The following ZNF804A variants were observed in gnomAD, a reference collection of about 807,000 sequenced individuals.
ZNF804A encodes zinc finger protein 804A.
In ZNF804A, 2 loss-of-function variants were observed where a neutral mutation model predicts 16.5. That is an observed-to-expected ratio of 0.12 (90% CI 0.05 to 0.38). The LOEUF (loss-of-function observed/expected upper bound fraction) is 0.38. ZNF804A is among the 10% of genes least tolerant of loss of function. ZNF804A has a pLI of 0.99. For synonymous variants in ZNF804A, 534 were observed against 489.6 expected, an observed-to-expected ratio of 1.09 and a Z score of -1.20; for missense variants, 1,473 against 1,390.7, an observed-to-expected ratio of 1.06 and a Z score of -0.94.
At chr2:184,619,843 G>T (rs1049174527) in intron 1 of ZNF804A, among the ~76,000 whole-genome samples, 1 of 151,784 alleles carries the variant, frequency 6.6e-6, no homozygotes, top group Non-Finnish European at 1.5e-5. Flanking sequence ...CAGCAGAGAA[G>T]TCAGTTAATT....
chr2:184,752,211 G>A (rs1026493802), intron 1 of ZNF804A, among the ~76,000 whole-genome samples: 24 of 151,534 alleles, frequency 1.6e-4, no homozygotes, highest in African/African-American at 4.3e-4. Context: ...TCACAATAGC[G>A]AAGTCATGGA....
chr2:184,709,136 T>A (rs969944491), intron 1 of ZNF804A, among the ~76,000 whole-genome samples: 1 of 152,120 alleles, frequency 6.6e-6, no homozygotes, highest in East Asian at 1.9e-4. Context: ...TTTACTGCCA[T>A]GAGCAAGGAC....
At chr2:184,650,792 A>G (rs1387262030) in intron 1 of ZNF804A, among the ~76,000 whole-genome samples, 2 of 152,184 alleles carry the variant, frequency 1.3e-5, no homozygotes, top group Non-Finnish European at 2.9e-5. Context: ...CTGATGAAAG[A>G]AGTCATACAT....
At chr2:184,610,433 A>C (rs371155607) in intron 1 of ZNF804A, among the ~76,000 whole-genome samples, 1 of 152,156 alleles carries the variant, frequency 6.6e-6, no homozygotes, top group South Asian at 2.1e-4. Context: ...AGGATGTTTG[A>C]AGTCAATAAG....
chr2:184,601,202 T>C (rs1691038687), intron 1 of ZNF804A, among the ~76,000 whole-genome samples: 1 of 152,114 alleles, frequency 6.6e-6, no homozygotes, highest in South Asian at 2.1e-4. Flanking sequence ...TATATGTGCT[T>C]TCTAGCCTTC....
chr2:184,914,781 C>G (rs918864320), intron 2 of ZNF804A, among the ~76,000 whole-genome samples: 21 of 151,882 alleles, frequency 1.4e-4, no homozygotes, highest in Non-Finnish European at 1.5e-5. Context: ...ATATTTCTCA[C>G]AGACCACTAC....
intron 2 of ZNF804A, among the ~76,000 whole-genome samples, chr2:184,893,043 C>T (rs970035129): frequency 5.3e-5 from 8 of 151,868 alleles, no homozygotes; most frequent in African/African-American, 1.9e-4. Flanking sequence ...TTTATCACAC[C>T]TAAAGTTTAG....
rs549778907 is a variant in ZNF804A at position 184,938,943 on chromosome 2, G to C, written c.3547G>C (p.Ala1183Pro). 1 of 1,613,626 alleles carries C rather than the reference G, an allele frequency of 6.2e-7. No homozygotes were observed. The highest frequency in any genetic ancestry group is 1.7e-5 in the Admixed American group (1 of 59,946). ...PASVLHPSHL[A>P]FPSLPHALFP... is the part of the protein sequence containing the mutation. ...TTCCGTTCTTCATCCTAGCCATCTG[G>C]CTTTCCCATCTTTACCCCATGCACT... The change falls in exon 4 of 4, where the codon GCT becomes CCT. Residue 1183 changes from alanine (A) to proline (P), a missense_variant. Coordinates refer to ENST00000302277, the MANE Select transcript of ZNF804A (RefSeq NM_194250.2).
intron 1 of ZNF804A, among the ~76,000 whole-genome samples, chr2:184,698,501 AT>A (rs1465576619): frequency 6.6e-6 from 1 of 152,018 alleles, no homozygotes; most frequent in Non-Finnish European, 1.5e-5. Context: ...TGTAACTTCA[AT>A]TGTTTTTTGA....
intron 1 of ZNF804A, among the ~76,000 whole-genome samples, chr2:184,643,353 T>A (rs1248030908): frequency 6.6e-6 from 1 of 151,980 alleles, no homozygotes; most frequent in Non-Finnish European, 1.5e-5. Context: ...TTCCCATAAA[T>A]GGCAATAAAA....
intron 2 of ZNF804A, among the ~76,000 whole-genome samples, chr2:184,927,891 G>A (rs932277505): frequency 3.3e-5 from 5 of 152,062 alleles, no homozygotes; most frequent in Non-Finnish European, 5.9e-5. Flanking sequence ...CTCCCCTCTG[G>A]CCCAAGGCGG....
chr2:184,804,567 T>G (rs896973852), intron 1 of ZNF804A, among the ~76,000 whole-genome samples: 1 of 152,174 alleles, frequency 6.6e-6, no homozygotes, highest in African/African-American at 2.4e-5. Flanking sequence ...ACATTGTAGT[T>G]TGAAAAGTCT....
intron 1 of ZNF804A, among the ~76,000 whole-genome samples, chr2:184,648,492 A>AAAAC (rs1020344325): frequency 6.6e-6 from 1 of 152,020 alleles, no homozygotes; most frequent in Non-Finnish European, 1.5e-5. Context: ...TAAAAACAAC[A>AAAAC]AAACAAACAA....
At chr2:184,891,564 G>T (rs1025232490) in intron 2 of ZNF804A, among the ~76,000 whole-genome samples, 1 of 136,246 alleles carries the variant, frequency 7.3e-6, no homozygotes, top group African/African-American at 3.4e-5. Context: ...ATGTTTACAG[G>T]TCTGTAGGAA....
At chr2:184,690,049 G>A (rs1489761614) in intron 1 of ZNF804A, among the ~76,000 whole-genome samples, 1 of 151,834 alleles carries the variant, frequency 6.6e-6, no homozygotes, top group Non-Finnish European at 1.5e-5. Flanking sequence ...CATTAAAATT[G>A]AGAAATGTGT....
chr2:184,880,913 A>G (rs954683196), intron 2 of ZNF804A, among the ~76,000 whole-genome samples: 2 of 152,114 alleles, frequency 1.3e-5, no homozygotes, highest in Non-Finnish European at 2.9e-5. Flanking sequence ...TGTTAAAATG[A>G]CAATTAAATT....
At chr2:184,933,972 A>G (rs1685745159) in intron 3 of ZNF804A, among the ~76,000 whole-genome samples, 1 of 151,992 alleles carries the variant, frequency 6.6e-6, no homozygotes, top group Non-Finnish European at 1.5e-5. Flanking sequence ...TAAAAAATAA[A>G]CTTTATGTTA....
intron 1 of ZNF804A, among the ~76,000 whole-genome samples, chr2:184,601,899 T>G (rs1691055356): frequency 6.6e-6 from 1 of 151,914 alleles, no homozygotes. Flanking sequence ...GAAAATAATT[T>G]TATAATCTTC....
chr2:184,769,756 A>G (rs1694183840), intron 1 of ZNF804A, among the ~76,000 whole-genome samples: 1 of 152,040 alleles, frequency 6.6e-6, no homozygotes, highest in Non-Finnish European at 1.5e-5. Flanking sequence ...ATGAAGGTAA[A>G]TAGAAATAAG....
Sources: allele counts gnomAD v4.1 joint callset (sites outside exome capture counted in the v4.1 genomes callset), GRCh38; gene constraint gnomAD v4.1.1; transcripts MANE v1.5; gene names NCBI Gene and HGNC (gene_info 2026-07-23, HGNC 2026-07-21).